Variants in FAAH observed in about 807,000 individuals in gnomAD.
The protein encoded by FAAH is fatty-acid amide hydrolase 1.
In FAAH, 63 loss-of-function variants were observed where a neutral mutation model predicts 69.7. The observed-to-expected ratio is 0.90, with a 90% CI of 0.74 to 1.12. The LOEUF is 1.12. Among genes scored for constraint, FAAH ranks in the 50% most tolerant of loss-of-function variants. The pLI is 0.00. For synonymous variants in FAAH, 305 were observed against 324.2 expected, an observed-to-expected ratio of 0.94 and a Z score of 0.64; for missense variants, 680 against 755.0, an observed-to-expected ratio of 0.90 and a Z score of 1.16.
chr1:46,397,530 G>A (rs12044513), intron 1 of FAAH, among the ~76,000 whole-genome samples: 11,606 of 151,960 alleles, frequency 0.076, 557 homozygotes, highest in South Asian at 0.15. Flanking sequence ...TAGGCTTTGC[G>A]GGGGAGTAGG....
intron 1 of FAAH, among the ~76,000 whole-genome samples, chr1:46,395,646 C>A (rs1664582352): frequency 6.6e-6 from 1 of 152,192 alleles, no homozygotes; most frequent in African/African-American, 2.4e-5. Flanking sequence ...AGGTTGGGAA[C>A]CGCAGGACTC....
At chr1:46,397,931 TC>T (rs1477910489) in intron 1 of FAAH, among the ~76,000 whole-genome samples, 1 of 139,754 alleles carries the variant, frequency 7.2e-6, no homozygotes, top group African/African-American at 2.8e-5. Flanking sequence ...AGTCTTGAAC[TC>T]TTTTTTTTTT....
chr1:46,413,398 G>C, intron 14 of FAAH, 49 bp from the exon 15 acceptor site: 3 of 1,613,548 alleles, frequency 1.9e-6, no homozygotes, highest in Non-Finnish European at 2.5e-6. Flanking sequence ...GCCTGGGGGT[G>C]GGGAGTCCTG....
At position 46,412,180 on chromosome 1, in the gene FAAH, T is replaced by C. The variant is rs1281809854; in HGVS notation, c.1394T>C (p.Leu465Pro). 6.4e-7 allele frequency: 1 copy of C among 1,563,928 alleles called. No individual in the cohort carries two copies. Among genetic ancestry groups the C allele is most frequent in the Non-Finnish European group, 8.7e-7 (1 of 1,153,992 alleles). Residue 465 changes from leucine (L) to proline (P), a missense_variant, in exon 13 of 15, where the codon CTG becomes CCG. Physicochemically the swap from Leu to Pro is moderately conservative, Grantham distance 98 (BLOSUM62 -3). Transcript: ENST00000243167. ...RKTVIAQWRALDLDVVLTPML... is the reference protein window; with the variant it reads ...RKTVIAQWRAPDLDVVLTPML... ...ACCGTGATTGCCCAGTGGAGGGCGC[T>C]GGACCTGGATGTGGTGCTGACCCCC... is the stretch of plus-strand genomic sequence containing the variant.
rs1557754991 is a variant in FAAH, at chr1:46,394,498, G to C, written c.150G>C (p.Ala50=). ...AVVRARQRQR[A]GLENMDRAAQ... Reference sequence around the variant, plus strand: ...TCCGGGCGCGACAGAGGCAGCGAGCGGGCCTGGAGAACATGGACAGGGCGG... The same window carrying C: ...TCCGGGCGCGACAGAGGCAGCGAGCCGGCCTGGAGAACATGGACAGGGCGG... Residue 50 remains alanine (A), a synonymous_variant, in exon 1 of 15, where the codon GCG becomes GCC. Transcript: ENST00000243167. 7.2e-7 allele frequency: 1 copy of C among 1,395,292 alleles called. No individual in the cohort carries two copies. The highest frequency in any genetic ancestry group is 3.0e-5 in the East Asian group (1 of 32,840). The allele number at this position is 1,395,292 out of a possible 1,614,324, so 86.4% of individuals were successfully genotyped here. A position where few individuals can be genotyped will look rare whatever the true frequency, so the allele number is the denominator to read the frequency against.
In FAAH at chr1:46,405,945, C is replaced by T; in HGVS notation, c.786-93C>T. On this transcript the variant is annotated intron_variant, in intron 5 of 14. Coordinates refer to ENST00000243167, the MANE Select transcript of FAAH (RefSeq NM_001441.3). The surrounding 1 kb of genome is among the most constrained non-coding windows in gnomAD (Gnocchi z 4.1). ...ACTGGCCGGGCGTGGGTCCTAGTTTCCAAAGCGGTGAGTGTTCAGAGCTGC... is the reference window on the plus strand; with the variant it reads ...ACTGGCCGGGCGTGGGTCCTAGTTTTCAAAGCGGTGAGTGTTCAGAGCTGC... The T allele has an allele frequency of 6.2e-7, 1 of 1,612,840 alleles. No homozygotes were observed. The highest frequency in any genetic ancestry group is 2.2e-5 in the East Asian group (1 of 44,876).
rs1366980248 is a variant in FAAH, at chr1:46,405,697, T to A, written c.688T>A (p.Ser230Thr). 6.2e-7 allele frequency: 1 copy of A among 1,613,392 alleles called. No individual in the cohort carries two copies. The highest frequency in any genetic ancestry group is 1.1e-5 in the South Asian group (1 of 91,074). The change falls in exon 5 of 15, where the codon TCC becomes ACC. Residue 230 changes from serine (S) to threonine (T), a missense_variant. Coordinates refer to ENST00000243167, the MANE Select transcript of FAAH (RefSeq NM_001441.3). The surrounding 1 kb of genome is among the most constrained non-coding windows in gnomAD (Gnocchi z 4.1). ...AGGGGCCCTCATCGGGTCTGGAGGCTCCCCCCTGGGCTTAGGCACTGATAT... is the reference window on the plus strand; with the variant it reads ...AGGGGCCCTCATCGGGTCTGGAGGCACCCCCCTGGGCTTAGGCACTGATAT... Reference protein sequence around the residue: ...GEGALIGSGGSPLGLGTDIGG... With the variant: ...GEGALIGSGGTPLGLGTDIGG...
rs1170097778 is a variant in FAAH at position 46,408,479 on chromosome 1, C to G, written c.972C>G (p.Pro324=). The G allele has an allele frequency of 3.1e-6, 5 of 1,614,168 alleles. No homozygotes were observed. The South Asian group carries it at 4.4e-5, about 14-fold the overall frequency. The change falls in exon 8 of 15, where the codon CCC becomes CCG. Residue 324 remains proline, a synonymous_variant. Transcript: ENST00000243167. ...TCCAGGTCTACACCAGCTCTCAGCCCCTGCGTGTGGGGTACTATGAGACTG... is the reference window on the plus strand; with the variant it reads ...TCCAGGTCTACACCAGCTCTCAGCCGCTGCGTGTGGGGTACTATGAGACTG... The part of the protein sequence containing the change: ...FREEVYTSSQ[P]LRVGYYETDN...
chr1:46,412,077 T>C (rs1407512112), intron 12 of FAAH, 66 bp from the exon 13 acceptor site: 2 of 1,390,614 alleles, frequency 1.4e-6, no homozygotes, highest in African/African-American at 2.9e-5. Context: ...CCACAGTCCC[T>C]GAGTTAAAGA....
chr1:46,404,923 T>C lies in FAAH; in HGVS notation c.310-91T>C. ...GTTACCCCTCTCCCTGGGTATACTT[T>C]AAAAGGCCAGTTCTACATGATGTAT... is the stretch of plus-strand genomic sequence containing the variant. On this transcript the variant is annotated intron_variant, in intron 2 of 14. Coordinates refer to ENST00000243167, the MANE Select transcript of FAAH (RefSeq NM_001441.3). This position sits in a 1 kb window ranked among gnomAD's most constrained non-coding sequence, Gnocchi z 4.5. 1 of 1,582,060 alleles carries C rather than the reference T, an allele frequency of 6.3e-7. No individual in the cohort carries two copies. Among genetic ancestry groups the C allele is most frequent in the Non-Finnish European group, 8.6e-7 (1 of 1,157,078 alleles).
At position 46,413,836 on chromosome 1, in the gene FAAH, T is replaced by C. The variant is rs970881551; in HGVS notation, c.*261T>C. On this transcript the variant is annotated 3_prime_UTR_variant, in exon 15 of 15. Coordinates refer to ENST00000243167, the MANE Select transcript of FAAH (RefSeq NM_001441.3). ...ACATAGGCCAAGGCCCAACTAACAG[T>C]CAAGAAACAGCTCCTCGTCTGTGTG... 5.8e-6 allele frequency: 3 copies of C among 515,390 alleles called. No homozygotes were observed. Among genetic ancestry groups the C allele is most frequent in the Non-Finnish European group, 1.1e-5 (3 of 283,310 alleles). The allele number at this position is 515,390 out of a possible 1,614,324, so 31.9% of individuals were successfully genotyped here.
Position 46,410,720 on chromosome 1 carries a change from T to C in FAAH, c.1276-94T>C, listed in dbSNP as rs1318516306. 6.6e-7 allele frequency: 1 copy of C among 1,508,948 alleles called. No individual in the cohort carries two copies. The highest frequency in any genetic ancestry group is 2.3e-5 in the East Asian group (1 of 44,354). 93.5% of individuals were successfully genotyped at this position (1,508,948 alleles called of 1,614,324 possible). On this transcript the variant is annotated intron_variant, in intron 10 of 14. Coordinates refer to ENST00000243167, the MANE Select transcript of FAAH (RefSeq NM_001441.3). The surrounding 1 kb of genome is among the most constrained non-coding windows in gnomAD (Gnocchi z 4.9). Reference sequence around the variant, plus strand: ...CCGACCTGGGCCCTGGGGGGAGGCATGGAGGGAGGGGTCCCCAGTGGCTTG... The same window carrying C: ...CCGACCTGGGCCCTGGGGGGAGGCACGGAGGGAGGGGTCCCCAGTGGCTTG...
intron 2 of FAAH, among the ~76,000 whole-genome samples, chr1:46,402,853 C>T (rs1222251458): frequency 6.6e-6 from 1 of 151,700 alleles, no homozygotes; most frequent in African/African-American, 2.4e-5. Context: ...CTAACACACC[C>T]AGCTAATTTT....
At chr1:46,399,587 G>C (rs1305337581) in intron 1 of FAAH, among the ~76,000 whole-genome samples, 1 of 152,232 alleles carries the variant, frequency 6.6e-6, no homozygotes, top group Non-Finnish European at 1.5e-5. Flanking sequence ...AGCGAGGTCG[G>C]GGGAGTTGGT....
intron 7 of FAAH, among the ~76,000 whole-genome samples, chr1:46,406,934 G>C (rs1322902667): frequency 1.3e-5 from 2 of 152,046 alleles, no homozygotes; most frequent in Non-Finnish European, 2.9e-5. Context: ...AAGGTGCCCA[G>C]CCTCAGCTGC....
chr1:46,395,476 G>T (rs1664579744), intron 1 of FAAH, among the ~76,000 whole-genome samples: 1 of 152,188 alleles, frequency 6.6e-6, no homozygotes, highest in South Asian at 2.1e-4. Context: ...TGTGGGTTTG[G>T]AGGCGTGGAA....
Position 46,405,746 on chromosome 1 carries a change from C to A in FAAH, c.737C>A (p.Ser246Tyr). The A allele has an allele frequency of 1.2e-6, 2 of 1,613,544 alleles. No individual in the cohort carries two copies. Among genetic ancestry groups the A allele is most frequent in the Non-Finnish European group, 1.7e-6 (2 of 1,180,046 alleles). Residue 246 changes from serine to tyrosine, a missense_variant, in exon 5 of 15, where the codon TCC (serine) becomes TAC (tyrosine). Coordinates refer to ENST00000243167, the MANE Select transcript of FAAH (RefSeq NM_001441.3). The surrounding 1 kb of genome is among the most constrained non-coding windows in gnomAD (Gnocchi z 4.1). Reference sequence around the variant, plus strand: ...ATCGGAGGCAGCATCCGCTTCCCCTCCTCCTTCTGCGGCATCTGCGGCCTC... The same window carrying A: ...ATCGGAGGCAGCATCCGCTTCCCCTACTCCTTCTGCGGCATCTGCGGCCTC... ...TDIGGSIRFP[S>Y]SFCGICGLKP...
At position 46,397,932 on chromosome 1, in the gene FAAH, C is replaced by CTT. The variant is rs1047486835; in HGVS notation, c.195+3407_195+3408dup. ...ATGTTGGCCAGGCTAGTCTTGAACT[C>CTT]TTTTTTTTTTTTTTTTTTTGAGATG... On this transcript the variant is annotated intron_variant, in intron 1 of 14. Transcript: ENST00000243167. 2.7e-3 allele frequency among the ~76,000 whole-genome samples: 319 copies of CTT among 117,992 alleles called. 12 individuals are homozygous for CTT. Among genetic ancestry groups the CTT allele is most frequent in the African/African-American group, 8.0e-3 (241 of 30,004 alleles). 77.4% of individuals were successfully genotyped at this position (117,992 alleles called of 152,430 possible). A position where few individuals can be genotyped will look rare whatever the true frequency, so the allele number is the denominator to read the frequency against.
In FAAH at chr1:46,402,200, G is replaced by C. The variant is rs1195701698; in HGVS notation, c.305G>C (p.Gly102Ala). 4.4e-6 allele frequency: 7 copies of C among 1,590,640 alleles called. No homozygotes were observed. The highest frequency in any genetic ancestry group is 3.4e-5 in the Admixed American group (2 of 58,022). Residue 102 changes from glycine (G) to alanine (A), a missense_variant, in exon 2 of 15, where the codon GGA becomes GCA. Physicochemically the swap from Gly to Ala is moderately conservative, Grantham distance 60. Coordinates refer to ENST00000243167, the MANE Select transcript of FAAH (RefSeq NM_001441.3). ...APEAVLFTYV[G>A]KAWEVNKGTN... ...GAGGCCGTGCTCTTCACCTATGTGGGAAAGGTAAGGCCAGCCAAGGCCAGC... is the reference window on the plus strand; with the variant it reads ...GAGGCCGTGCTCTTCACCTATGTGGCAAAGGTAAGGCCAGCCAAGGCCAGC...
Sources: gnomAD v4.1 joint callset for allele counts (sites outside exome capture counted in the v4.1 genomes callset) on GRCh38, gnomAD v4.1.1 for gene constraint, Gnocchi (gnomAD v3.1) non-coding constraint, MANE v1.5 for transcripts, NCBI Gene and HGNC (gene_info 2026-07-23, HGNC 2026-07-21) for gene names.